The following IGFL2 variants were observed in gnomAD, a reference collection of about 807,000 sequenced individuals.
IGFL2 encodes insulin growth factor-like family member 2.
IGFL2 carries 7 observed loss-of-function variants against 13.9 expected under a neutral mutation model. The ratio of observed to expected loss-of-function variants is 0.51; its 90% confidence interval spans 0.29 to 0.95. The LOEUF (loss-of-function observed/expected upper bound fraction) is 0.95. Among genes scored for constraint, IGFL2 ranks in the 40% least tolerant of loss-of-function variants. IGFL2 has a pLI of 0.08. For synonymous variants in IGFL2, 55 were observed against 55.8 expected, an observed-to-expected ratio of 0.99 and a Z score of 0.07; for missense variants, 138 against 147.8, an observed-to-expected ratio of 0.93 and a Z score of 0.34.
chr19:46,197,676 T>C, the IGFL2 span, among the ~76,000 whole-genome samples: 2 of 152,212 alleles, frequency 1.3e-5, no homozygotes, highest in East Asian at 1.9e-4. Context: ...GGACCACAGG[T>C]GTGCACCACT....
At chr19:46,186,715 G>T in the IGFL2 span, among the ~76,000 whole-genome samples, 1 of 152,220 alleles carries the variant, frequency 6.6e-6, no homozygotes, top group Non-Finnish European at 1.5e-5. Context: ...TTTGATGGCT[G>T]CAGGGACAGA....
At chr19:46,182,853 ATCTCTCCTGCC>A in the IGFL2 span, among the ~76,000 whole-genome samples, 2 of 151,064 alleles carry the variant, frequency 1.3e-5, no homozygotes, top group Non-Finnish European at 3.0e-5. Flanking sequence ...GTTTCTCCCC[ATCTCTCCTGCC>A]TCTCTCTGTC....
chr19:46,200,474 CT>C, the IGFL2 span, among the ~76,000 whole-genome samples: 1 of 13,888 alleles, frequency 7.2e-5, no homozygotes, highest in East Asian at 1.1e-3. Context: ...ACACCTGGCC[CT>C]TTTCTTTTCT....
At chr19:46,141,297 A>G (rs570394735), upstream of IGFL2, among the ~76,000 whole-genome samples, 8 of 152,206 alleles carry the variant, frequency 5.3e-5, no homozygotes, top group Non-Finnish European at 8.8e-5. Flanking sequence ...CAAAGTAAAT[A>G]AACACATGAG....
upstream of IGFL2, among the ~76,000 whole-genome samples, chr19:46,142,655 CAG>C (rs1165565180): frequency 6.6e-6 from 1 of 152,164 alleles, no homozygotes; most frequent in African/African-American, 2.4e-5. Flanking sequence ...TGGTGGCTGA[CAG>C]ATATTATTAC....
downstream of IGFL2, among the ~76,000 whole-genome samples, chr19:46,162,445 G>T (rs1246680069): frequency 3.3e-5 from 5 of 152,144 alleles, no homozygotes; most frequent in African/African-American, 1.2e-4. Flanking sequence ...CATAAATTTA[G>T]CCTGTTTACA....
the IGFL2 span, chr19:46,136,954 C>T: frequency 7.5e-7 from 1 of 1,334,320 alleles, no homozygotes; most frequent in Non-Finnish European, 1.1e-6. Flanking sequence ...TTGTTGGCTG[C>T]TACCTGCTGT....
At chr19:46,084,777 C>T in the IGFL2 span, among the ~76,000 whole-genome samples, 1 of 152,196 alleles carries the variant, frequency 6.6e-6, no homozygotes, top group Non-Finnish European at 1.5e-5. Context: ...AAGCACTTCC[C>T]ACTGGTGCCC....
chr19:46,087,931 T>C, the IGFL2 span, among the ~76,000 whole-genome samples: 7 of 152,146 alleles, frequency 4.6e-5, no homozygotes, highest in Non-Finnish European at 1.0e-4. Context: ...ACTTAGGAGT[T>C]TGTGGGACTC....
At chr19:46,184,716 T>C in the IGFL2 span, among the ~76,000 whole-genome samples, 7 of 152,230 alleles carry the variant, frequency 4.6e-5, no homozygotes, top group African/African-American at 1.7e-4. Flanking sequence ...ACAATAAACA[T>C]ACATGTGCAT....
upstream of IGFL2, among the ~76,000 whole-genome samples, chr19:46,142,150 T>G (rs145559365): frequency 1.2e-4 from 19 of 152,310 alleles, no homozygotes; most frequent in East Asian, 3.5e-3. Context: ...AAATAATGAC[T>G]TACAAGCATC....
chr19:46,187,212 T>C, the IGFL2 span, among the ~76,000 whole-genome samples: 229 of 122,078 alleles, frequency 1.9e-3, no homozygotes, highest in African/African-American at 3.7e-3. Flanking sequence ...TGATCAGAGA[T>C]GGTGAGCATT....
chr19:46,191,555 T>C, the IGFL2 span, among the ~76,000 whole-genome samples: 29,813 of 152,090 alleles, frequency 0.2, 3,156 homozygotes, highest in African/African-American at 0.25. Flanking sequence ...TGTGTCTTTA[T>C]GTCATACTTT....
downstream of IGFL2, among the ~76,000 whole-genome samples, chr19:46,165,999 C>T (rs534818708): frequency 6.6e-6 from 1 of 152,290 alleles, no homozygotes; most frequent in East Asian, 1.9e-4. Context: ...AATGGCCTAG[C>T]ATGTGGATGC....
chr19:46,110,486 TC>T, the IGFL2 span, among the ~76,000 whole-genome samples: 4 of 152,214 alleles, frequency 2.6e-5, no homozygotes, highest in African/African-American at 9.6e-5. Context: ...ACTTTCATAT[TC>T]TCATTGCTTG....
chr19:46,103,780 G>T, the IGFL2 span, among the ~76,000 whole-genome samples: 2 of 152,176 alleles, frequency 1.3e-5, no homozygotes, highest in Admixed American at 6.5e-5. Context: ...TAATAAAAAT[G>T]ATAGGATGTA....
At chr19:46,202,338 T>C in the IGFL2 span, among the ~76,000 whole-genome samples, 1 of 152,144 alleles carries the variant, frequency 6.6e-6, no homozygotes, top group Admixed American at 6.6e-5. Context: ...AAGTTTGTAT[T>C]GGGGTCAAAT....
chr19:46,110,875 T>C, the IGFL2 span, among the ~76,000 whole-genome samples: 6 of 152,242 alleles, frequency 3.9e-5, no homozygotes, highest in Admixed American at 1.3e-4. Flanking sequence ...ATTTTACTTA[T>C]ACAATTAATG....
downstream of IGFL2, among the ~76,000 whole-genome samples, chr19:46,163,236 A>T (rs752894257): frequency 5.9e-5 from 9 of 152,072 alleles, no homozygotes; most frequent in Non-Finnish European, 8.8e-5. Context: ...TGTGATTATG[A>T]CTTGGGACTC....
Sources: allele counts gnomAD v4.1 joint callset (sites outside exome capture counted in the v4.1 genomes callset), GRCh38; gene constraint gnomAD v4.1.1; transcripts MANE v1.5; gene names NCBI Gene and HGNC (gene_info 2026-07-23, HGNC 2026-07-21).